The following PTPRB variants were observed in gnomAD, a reference collection of about 807,000 sequenced individuals.
The protein encoded by PTPRB is receptor-type tyrosine-protein phosphatase beta.
In PTPRB, 97 loss-of-function variants were observed where a neutral mutation model predicts 238.1. The observed-to-expected ratio is 0.41, with a 90% CI of 0.35 to 0.48. PTPRB has a LOEUF of 0.48. Among genes scored for constraint, PTPRB ranks in the 20% least tolerant of loss-of-function variants. The pLI is 0.30. For synonymous variants in PTPRB, 970 were observed against 995.4 expected, an observed-to-expected ratio of 0.97 and a Z score of 0.48; for missense variants, 2,292 against 2,681.9, an observed-to-expected ratio of 0.85 and a Z score of 3.21.
In PTPRB at chr12:70,635,849, G is replaced by A. The variant is rs754380393; in HGVS notation, c.273C>T (p.Pro91=). 19 of 1,613,592 alleles carry A rather than the reference G, an allele frequency of 1.2e-5. No individual in the cohort carries two copies. The highest frequency in any genetic ancestry group is 1.6e-5 in the Non-Finnish European group (19 of 1,179,784). Residue 91 remains proline (P), a synonymous_variant, in exon 2 of 34, where the codon CCC becomes CCT. Transcript: ENST00000334414. ...SAILDRCSQA[P]RWTCYDQEGF... The stretch of plus-strand genomic sequence containing the variant: ...CTTCCTGATCATAGCAGGTCCATCG[G>A]GGTGCCTGGGAACAGCGGTCCAAGA...
chr12:70,566,784 T>A (rs1319034099), intron 14 of PTPRB, 80 bp from the exon 15 acceptor site: 2 of 1,429,680 alleles, frequency 1.4e-6, no homozygotes, highest in Non-Finnish European at 1.9e-6. Flanking sequence ...AACTCCTGAA[T>A]CAACTGCAGG....
At chr12:70,601,210 C>T (rs1034125280) in intron 4 of PTPRB, among the ~76,000 whole-genome samples, 1 of 151,688 alleles carries the variant, frequency 6.6e-6, no homozygotes, top group African/African-American at 2.4e-5. Flanking sequence ...GCCATGTTGC[C>T]CCAGCTGGTC....
chr12:70,608,286 G>A (rs1884131056), intron 4 of PTPRB, among the ~76,000 whole-genome samples: 1 of 152,222 alleles, frequency 6.6e-6, no homozygotes, highest in Non-Finnish European at 1.5e-5. Context: ...AGAATTTAGA[G>A]CATGTCTGAG....
At chr12:70,568,114 C>G (rs1283926626) in intron 14 of PTPRB, among the ~76,000 whole-genome samples, 2 of 152,172 alleles carry the variant, frequency 1.3e-5, no homozygotes, top group Non-Finnish European at 2.9e-5. Flanking sequence ...ACTTCTTAGT[C>G]TTTCTTTAAA....
chr12:70,524,971 A>ATGTG (rs555775169), intron 32 of PTPRB, among the ~76,000 whole-genome samples: 8 of 142,814 alleles, frequency 5.6e-5, no homozygotes, highest in African/African-American at 2.1e-4. Flanking sequence ...ATGTGTATAT[A>ATGTG]TGTGTGTGTG....
Position 70,618,058 on chromosome 12 carries a change from T to C in PTPRB, c.708+4332A>G, listed in dbSNP as rs185628048. 2.4e-3 allele frequency among the ~76,000 whole-genome samples: 372 copies of C among 152,306 alleles called. 3 individuals carry two copies. Among genetic ancestry groups the C allele is most frequent in the African/African-American group, 8.7e-3 (362 of 41,560 alleles). On this transcript the variant is annotated intron_variant, in intron 3 of 33. Coordinates refer to ENST00000334414, the MANE Select transcript of PTPRB (RefSeq NM_001109754.4). ...AAGCTAGTATTAATAGCTAAAACTATTGAATATTTATCATGTATAGCCAGT... is the reference window on the plus strand; with the variant it reads ...AAGCTAGTATTAATAGCTAAAACTACTGAATATTTATCATGTATAGCCAGT...
intron 33 of PTPRB, among the ~76,000 whole-genome samples, chr12:70,521,865 A>G (rs905086360): frequency 6.6e-6 from 1 of 152,258 alleles, no homozygotes; most frequent in South Asian, 2.1e-4. Flanking sequence ...TCTATACCAT[A>G]GTTAGCTTCT....
intron 4 of PTPRB, among the ~76,000 whole-genome samples, chr12:70,600,731 T>G (rs900359680): frequency 6.6e-6 from 1 of 152,202 alleles, no homozygotes; most frequent in African/African-American, 2.4e-5. Context: ...GGCCTTGCTC[T>G]GTCACCCGGG....
chr12:70,546,906 T>G (rs920181298), intron 21 of PTPRB, among the ~76,000 whole-genome samples: 10 of 152,222 alleles, frequency 6.6e-5, no homozygotes, highest in Admixed American at 5.2e-4. Flanking sequence ...CCTCCTACTG[T>G]GAAGATTCTC....
chr12:70,581,018 C>G lies in PTPRB; in HGVS notation c.2578+18G>C. Reference sequence around the variant, plus strand: ...TCAGATCTTAGTTAAGTCACAGACACATATCTCTACTTCTTACCTGTTCTT... The same window carrying G: ...TCAGATCTTAGTTAAGTCACAGACAGATATCTCTACTTCTTACCTGTTCTT... On this transcript the variant is annotated intron_variant, in intron 10 of 33. Coordinates refer to ENST00000334414, the MANE Select transcript of PTPRB (RefSeq NM_001109754.4). The G allele has an allele frequency of 6.2e-7, 1 of 1,609,756 alleles. No homozygotes were observed. Among genetic ancestry groups the G allele is most frequent in the Non-Finnish European group, 8.5e-7 (1 of 1,177,550 alleles).
intron 21 of PTPRB, among the ~76,000 whole-genome samples, chr12:70,548,137 G>A (rs2136283880): frequency 6.6e-6 from 1 of 152,188 alleles, no homozygotes; most frequent in Non-Finnish European, 1.5e-5. Context: ...GGCCAGCCTG[G>A]CCAACACGGT....
In PTPRB at chr12:70,519,117, T is replaced by C. The variant is rs1435221232; in HGVS notation, c.*2372A>G. 1 of 152,194 alleles carries C rather than the reference T, an allele frequency of 6.6e-6. No homozygotes were observed. The highest frequency in any genetic ancestry group is 2.1e-4 in the South Asian group (1 of 4,834). 9.4% of individuals were successfully genotyped at this position (152,194 alleles called of 1,614,324 possible). ...TAGGTGTAGGGTAGGAATAAACATT[T>C]CCTGGGTTGGATTAGACTAAAAAAA... On this transcript the variant is annotated 3_prime_UTR_variant, in exon 34 of 34. Coordinates refer to ENST00000334414, the MANE Select transcript of PTPRB (RefSeq NM_001109754.4).
intron 32 of PTPRB, among the ~76,000 whole-genome samples, chr12:70,530,011 A>ACAT (rs1592393844): frequency 6.6e-6 from 1 of 152,174 alleles, no homozygotes; most frequent in East Asian, 1.9e-4. Context: ...GCAATCAGCC[A>ACAT]CATCTAGAAT....
At chr12:70,532,727 G>A (rs1273954964) in intron 31 of PTPRB, among the ~76,000 whole-genome samples, 1 of 151,448 alleles carries the variant, frequency 6.6e-6, no homozygotes, top group Admixed American at 6.6e-5. Context: ...CTGCAGCCTC[G>A]ACCTCCCAGG....
rs1439301437 is a variant in PTPRB at position 70,539,949 on chromosome 12, C to T, written c.5668G>A (p.Gly1890Ser). The change falls in exon 24 of 34, where the codon GGC becomes AGC. Residue 1890 changes from glycine to serine, a missense_variant. Around this residue, in one of 4 missense-constraint regions of PTPRB, gnomAD observed 397 missense variants for 502.0 expected, o/e 0.79. Transcript: ENST00000334414. ...DRPLSVHLNL[G>S]QKGNRKTSCP... ...AAATGTGGTGCTTACCCTTTCTGGC[C>T]CAGGTTTAAGTGGACAGATAATGGT... 9.9e-6 allele frequency: 16 copies of T among 1,610,460 alleles called. No individual in the cohort carries two copies. Among genetic ancestry groups the T allele is most frequent in the Non-Finnish European group, 1.4e-5 (16 of 1,176,864 alleles).
At chr12:70,565,450 A>G (rs917358412) in intron 15 of PTPRB, among the ~76,000 whole-genome samples, 1 of 152,192 alleles carries the variant, frequency 6.6e-6, no homozygotes, top group Admixed American at 6.5e-5. Context: ...TCTCTCCATA[A>G]GGAGAATTTC....
At chr12:70,540,579 T>C (rs1477280686) in intron 23 of PTPRB, 3 of 344,020 alleles carry the variant, frequency 8.7e-6, no homozygotes, top group Non-Finnish European at 1.6e-5. Context: ...ACACACAAAA[T>C]ATTTTTTTCC....
intron 8 of PTPRB, among the ~76,000 whole-genome samples, chr12:70,589,294 G>C (rs1360509151): frequency 1.3e-5 from 2 of 152,100 alleles, no homozygotes; most frequent in Admixed American, 6.6e-5. Flanking sequence ...CCTATTATCA[G>C]GCGAACTAAG....
intron 10 of PTPRB, among the ~76,000 whole-genome samples, chr12:70,579,733 A>G (rs186644150): frequency 6.6e-6 from 1 of 151,546 alleles, no homozygotes; most frequent in Admixed American, 6.6e-5. Context: ...GCAAGTGACA[A>G]TGTCAGCTGT....
Sources: gnomAD v4.1 joint callset for allele counts (sites outside exome capture counted in the v4.1 genomes callset) on GRCh38, gnomAD v4.1.1 for gene constraint, gnomAD v4.1.1 regional missense constraint, MANE v1.5 for transcripts, NCBI Gene and HGNC (gene_info 2026-07-23, HGNC 2026-07-21) for gene names.